Variants in STK32B observed in about 807,000 individuals in gnomAD.
STK32B encodes serine/threonine-protein kinase 32B.
Under a neutral mutation model 52.6 loss-of-function variants are expected in STK32B, and 43 were observed. That is an observed-to-expected ratio of 0.82 (90% CI 0.64 to 1.05). The LOEUF is 1.05. Among genes scored for constraint, STK32B ranks in the 50% least tolerant of loss-of-function variants. The pLI, the probability that STK32B is intolerant of heterozygous loss-of-function variation, is 0.00. For synonymous variants in STK32B, 238 were observed against 204.3 expected, an observed-to-expected ratio of 1.17 and a Z score of -1.41; for missense variants, 621 against 534.6, an observed-to-expected ratio of 1.16 and a Z score of -1.59.
chr4:5,453,227 G>A lies in STK32B; in HGVS notation c.667-3580G>A, dbSNP rs1193333830. 1.5e-5 allele frequency among the ~76,000 whole-genome samples: 1 copy of A among 66,638 alleles called. No individual in the cohort carries two copies. Among genetic ancestry groups the A allele is most frequent in the East Asian group, 2.0e-4 (1 of 4,918 alleles). 43.7% of individuals were successfully genotyped at this position (66,638 alleles called of 152,430 possible). A position where few individuals can be genotyped will look rare whatever the true frequency, so the allele number is the denominator to read the frequency against. Reference sequence around the variant, plus strand: ...GAGAGAGAATTACAGAGATTAGGGAGAGAGAGAGAGAGAGAGAGTAGCTCA... The same window carrying A: ...GAGAGAGAATTACAGAGATTAGGGAAAGAGAGAGAGAGAGAGAGTAGCTCA... On this transcript the variant is annotated intron_variant, in intron 7 of 11. Transcript: ENST00000282908. The surrounding 1 kb of genome is among the most constrained non-coding windows in gnomAD (Gnocchi z 4.0).
chr4:5,294,480 T>C (rs540601554), intron 3 of STK32B, among the ~76,000 whole-genome samples: 1 of 152,160 alleles, frequency 6.6e-6, no homozygotes, highest in South Asian at 2.1e-4. Flanking sequence ...CCTTGAAGGA[T>C]TTCTTTACAT....
At chr4:5,457,127 G>A (rs1716601708) in intron 8 of STK32B, among the ~76,000 whole-genome samples, 1 of 152,102 alleles carries the variant, frequency 6.6e-6, no homozygotes, top group Admixed American at 6.5e-5. Flanking sequence ...GGACTGTGGC[G>A]GCTCTGACCG....
At chr4:5,124,757 T>C (rs771467854) in intron 1 of STK32B, among the ~76,000 whole-genome samples, 1 of 152,214 alleles carries the variant, frequency 6.6e-6, no homozygotes. Flanking sequence ...TGCATATAGA[T>C]GCACGTGTGT....
Position 5,460,117 on chromosome 4 carries a change from T to C in STK32B, c.798T>C (p.Asp266=), listed in dbSNP as rs1716916606. 6.2e-7 allele frequency: 1 copy of C among 1,614,134 alleles called. No homozygotes were observed. The highest frequency in any genetic ancestry group is 1.7e-5 in the Admixed American group (1 of 60,006). ...TCTAACTGCAGCTCCTGACCAAGGA[T>C]CCTGAGAGCCGCGTGTCCAGCCTTC... ...VALLRKLLTK[D]PESRVSSLHD... is the part of the protein sequence containing the mutation. Residue 266 remains aspartate, a synonymous_variant, in exon 9 of 12, where the codon GAT becomes GAC. Transcript: ENST00000282908. This position sits in a 1 kb window ranked among gnomAD's most constrained non-coding sequence, Gnocchi z 4.8.
chr4:5,027,618 C>T, the STK32B span, among the ~76,000 whole-genome samples: 1 of 152,182 alleles, frequency 6.6e-6, no homozygotes, highest in East Asian at 1.9e-4. Flanking sequence ...ACATGAAAAG[C>T]TGGAGTGACT....
At chr4:5,419,077 C>T (rs944296257) in intron 6 of STK32B, among the ~76,000 whole-genome samples, 2 of 152,154 alleles carry the variant, frequency 1.3e-5, no homozygotes, top group African/African-American at 4.8e-5. Context: ...GGATAAATTC[C>T]ACCTTTAGAC....
At chr4:5,194,126 C>T (rs891564957) in intron 3 of STK32B, among the ~76,000 whole-genome samples, 28 of 152,132 alleles carry the variant, frequency 1.8e-4, no homozygotes, top group Non-Finnish European at 5.9e-5. Context: ...CAGCACAGCC[C>T]CTTTTCATCT....
chr4:5,054,541 T>C (rs1284519543), intron 1 of STK32B, among the ~76,000 whole-genome samples: 1 of 152,090 alleles, frequency 6.6e-6, no homozygotes, highest in East Asian at 1.9e-4. Flanking sequence ...TTAGTACTCC[T>C]GCATTGTGGA....
intron 6 of STK32B, among the ~76,000 whole-genome samples, chr4:5,444,523 C>G (rs190836373): frequency 1.1e-3 from 160 of 152,320 alleles, no homozygotes; most frequent in Non-Finnish European, 1.7e-3. Flanking sequence ...GTGAGATGAA[C>G]CCGGTACCTC....
intron 1 of STK32B, among the ~76,000 whole-genome samples, chr4:5,059,249 C>G (rs1017463470): frequency 6.6e-6 from 1 of 151,836 alleles, no homozygotes; most frequent in Admixed American, 6.6e-5. Flanking sequence ...CACAGTATAA[C>G]CACGCCTATC....
At chr4:5,163,053 C>T (rs553948846) in intron 2 of STK32B, among the ~76,000 whole-genome samples, 9 of 152,250 alleles carry the variant, frequency 5.9e-5, no homozygotes, top group South Asian at 2.1e-4. Context: ...CATGATAGAC[C>T]GAGCATGTAT....
chr4:5,232,155 T>C (rs1724316850), intron 3 of STK32B, among the ~76,000 whole-genome samples: 1 of 152,058 alleles, frequency 6.6e-6, no homozygotes, highest in African/African-American at 2.4e-5. Flanking sequence ...GGCTATGGGG[T>C]CCTCTCTCAG....
In STK32B at chr4:5,249,128, C is replaced by T. The variant is rs57959274; in HGVS notation, c.260+80678C>T. ...ATGCCTTTCTGTATCAATACTTTTG[C>T]AGTGTGCTAACACCATTGCTCTCCT... On this transcript the variant is annotated intron_variant, in intron 3 of 11. Transcript: ENST00000282908. Among the ~76,000 whole-genome samples, 685 of 152,198 alleles carry T rather than the reference C, an allele frequency of 4.5e-3. 3 individuals carry two copies. Among genetic ancestry groups the T allele is most frequent in the African/African-American group, 0.015 (625 of 41,510 alleles).
chr4:5,466,803 C>T lies in STK32B; in HGVS notation c.1010C>T (p.Ser337Phe), dbSNP rs762211636. The change falls in exon 10 of 12, where the codon TCC becomes TTC. Residue 337 changes from serine to phenylalanine, a missense_variant. By Grantham distance (155) the Ser-to-Phe change is radical. Coordinates refer to ENST00000282908, the MANE Select transcript of STK32B (RefSeq NM_018401.3). Reference sequence around the variant, plus strand: ...AAGAAGCGATTGGCAAAGAACAGATCCAGGGATGGCACAAAGGACAGCTGC... The same window carrying T: ...AAGAAGCGATTGGCAAAGAACAGATTCAGGGATGGCACAAAGGACAGCTGC... ...KKKKRLAKNR[S>F]RDGTKDSCPL... 1.9e-6 allele frequency: 3 copies of T among 1,613,768 alleles called. No individual in the cohort carries two copies. In the African/African-American group the frequency reaches 4.0e-5, roughly 22 times the overall value.
chr4:5,496,529 G>A (rs541858882), intron 11 of STK32B, among the ~76,000 whole-genome samples: 43 of 132,428 alleles, frequency 3.2e-4, no homozygotes, highest in Non-Finnish European at 5.6e-4. Flanking sequence ...TGCGCTTCCC[G>A]AGTGAGGCAA....
At chr4:5,374,352 C>G (rs558648436) in intron 4 of STK32B, among the ~76,000 whole-genome samples, 2 of 152,278 alleles carry the variant, frequency 1.3e-5, no homozygotes, top group South Asian at 4.1e-4. Flanking sequence ...AGACAAAATG[C>G]TTTTTGCTAA....
At chr4:5,041,320 C>G in the STK32B span, among the ~76,000 whole-genome samples, 1 of 151,958 alleles carries the variant, frequency 6.6e-6, no homozygotes, top group African/African-American at 2.4e-5. Flanking sequence ...TCCCTTAAGC[C>G]CCTAAGAATC....
Position 5,468,200 on chromosome 4 carries a change from A to G in STK32B, c.1106+130A>G, listed in dbSNP as rs552114919. The G allele has an allele frequency of 2.7e-5, 23 of 857,628 alleles. No individual in the cohort carries two copies. The Admixed American group carries it at 4.3e-4, about 16-fold the overall frequency. The allele number at this position is 857,628 out of a possible 1,614,324, so 53.1% of individuals were successfully genotyped here. On this transcript the variant is annotated intron_variant, in intron 11 of 11. Coordinates refer to ENST00000282908, the MANE Select transcript of STK32B (RefSeq NM_018401.3). ...AAAGGGAAGGTATCGCTGAGGTGAG[A>G]CACAGGGCTCTGGTGGGGGGTGAAA...
intron 1 of STK32B, among the ~76,000 whole-genome samples, chr4:5,110,542 A>T (rs1714348471): frequency 6.6e-6 from 1 of 151,800 alleles, no homozygotes; most frequent in African/African-American, 2.4e-5. Context: ...TGCTGGGAAA[A>T]CTGGCTGACC....
Sources: allele counts gnomAD v4.1 joint callset (sites outside exome capture counted in the v4.1 genomes callset), GRCh38; gene constraint gnomAD v4.1.1; non-coding constraint Gnocchi (gnomAD v3.1); transcripts MANE v1.5; gene names NCBI Gene and HGNC (gene_info 2026-07-23, HGNC 2026-07-21).